CTXN1: variants seen among roughly 807,000 people sequenced by gnomAD.
CTXN1 encodes cortexin-1.
A neutral mutation model predicts 5.5 loss-of-function variants in CTXN1; 4 were observed. That is an observed-to-expected ratio of 0.73 (90% CI 0.36 to 1.68). CTXN1 has a LOEUF of 1.68. CTXN1 is among the 40% of genes most tolerant of loss of function. The probability of loss-of-function intolerance (pLI) is 0.05; values close to 1 mark genes in which losing one functional copy is unlikely to be tolerated. For synonymous variants in CTXN1, 67 were observed against 62.8 expected (o/e 1.07, Z -0.32); for missense variants, 111 against 123.0 (o/e 0.90, Z 0.46).
At position 7,925,483 on chromosome 19, in the gene CTXN1, G is replaced by T; in HGVS notation, c.56C>A (p.Pro19Gln). The change falls in exon 2 of 2, where the codon CCG (proline) becomes CAG (glutamine). Residue 19 changes from proline to glutamine, a missense_variant. Coordinates refer to ENST00000318978, the MANE Select transcript of CTXN1 (RefSeq NM_206833.4). This position sits in a 1 kb window ranked among gnomAD's most constrained non-coding sequence, Gnocchi z 5.0. ...CTCCGCGTCCAGGCCCGCGCCCACC[G>T]GGGGCCCCGTCGACGGCGGCAGGGG... is the stretch of plus-strand genomic sequence containing the variant. Reference protein sequence around the residue: ...PEPLPPSTGPPVGAGLDAEQR... With the variant: ...PEPLPPSTGPQVGAGLDAEQR... The T allele has an allele frequency of 6.5e-7, 1 of 1,532,856 alleles. No individual in the cohort carries two copies. The highest frequency in any genetic ancestry group is 1.4e-5 in the African/African-American group (1 of 70,294). 95.0% of individuals were successfully genotyped at this position (1,532,856 alleles called of 1,614,324 possible).
At position 7,925,553 on chromosome 19, in the gene CTXN1, C is replaced by A. The variant is rs1055683175; in HGVS notation, c.-15G>T. 6 of 1,378,894 alleles carry A rather than the reference C, an allele frequency of 4.4e-6. No individual in the cohort carries two copies. Among genetic ancestry groups the A allele is most frequent in the Admixed American group, 3.2e-5 (1 of 30,772 alleles). The allele number at this position is 1,378,894 out of a possible 1,614,324, so 85.4% of individuals were successfully genotyped here. A position where few individuals can be genotyped will look rare whatever the true frequency, so the allele number is the denominator to read the frequency against. ...GTCGCGCTCATGGCTCACATCGCCGCGCGCCCTGCGGAGGAGGGGACCCGC... is the reference window on the plus strand; with the variant it reads ...GTCGCGCTCATGGCTCACATCGCCGAGCGCCCTGCGGAGGAGGGGACCCGC... On this transcript the variant is annotated 5_prime_UTR_variant, in exon 2 of 2. Coordinates refer to ENST00000318978, the MANE Select transcript of CTXN1 (RefSeq NM_206833.4). The surrounding 1 kb of genome is among the most constrained non-coding windows in gnomAD (Gnocchi z 5.0).
Position 7,925,427 on chromosome 19 carries a change from G to C in CTXN1, c.112C>G (p.Leu38Val), listed in dbSNP as rs1439914241. The C allele has an allele frequency of 6.3e-7, 1 of 1,588,230 alleles. No homozygotes were observed. The highest frequency in any genetic ancestry group is 8.5e-7 in the Non-Finnish European group (1 of 1,172,524). ...QRTVFAFVLC[L>V]LVVLVLLMVR... Reference sequence around the variant, plus strand: ...ATCAACAGCACCAGCACCACGAGCAGGCAGAGCACGAAGGCGAACACCGTG... The same window carrying C: ...ATCAACAGCACCAGCACCACGAGCACGCAGAGCACGAAGGCGAACACCGTG... Residue 38 changes from leucine (L) to valine (V), a missense_variant, in exon 2 of 2, where the codon CTG (leucine) becomes GTG (valine). Transcript: ENST00000318978. The surrounding 1 kb of genome is among the most constrained non-coding windows in gnomAD (Gnocchi z 5.0).
rs1555704928 is a variant in CTXN1, at chr19:7,925,640, T to TTCC, written c.-20-83_-20-82insGGA. ...GCGCCTCCTCCGCTTCGCCCCCTCCTGCCGCCGCCGCCGCCGCCTCCCTTA... is the reference window on the plus strand; with the variant it reads ...GCGCCTCCTCCGCTTCGCCCCCTCCTTCCGCCGCCGCCGCCGCCGCCTCCCTTA... On this transcript the variant is annotated intron_variant, in intron 1 of 1. Coordinates refer to ENST00000318978, the MANE Select transcript of CTXN1 (RefSeq NM_206833.4). This position sits in a 1 kb window ranked among gnomAD's most constrained non-coding sequence, Gnocchi z 5.0. 1.9e-5 allele frequency: 22 copies of TTCC among 1,163,700 alleles called. No individual in the cohort carries two copies. Among genetic ancestry groups the TTCC allele is most frequent in the Non-Finnish European group, 2.2e-5 (20 of 918,058 alleles). 72.1% of individuals were successfully genotyped at this position (1,163,700 alleles called of 1,614,324 possible).
chr19:7,925,024 G>A lies in CTXN1; in HGVS notation c.*266C>T, dbSNP rs1168116881. 3.2e-5 allele frequency: 10 copies of A among 314,660 alleles called. No individual in the cohort carries two copies. The East Asian group carries it at 4.6e-4, about 14-fold the overall frequency. 19.5% of individuals were successfully genotyped at this position (314,660 alleles called of 1,614,324 possible). On this transcript the variant is annotated 3_prime_UTR_variant, in exon 2 of 2. Transcript: ENST00000318978. This position sits in a 1 kb window ranked among gnomAD's most constrained non-coding sequence, Gnocchi z 5.0. ...TCCCGCCCGGGATTCAGAGTCGGGGGTGGGGGCCAGCCGGGCGGGTGAGAT... is the reference window on the plus strand; with the variant it reads ...TCCCGCCCGGGATTCAGAGTCGGGGATGGGGGCCAGCCGGGCGGGTGAGAT...
At position 7,925,996 on chromosome 19, in the gene CTXN1, GC is replaced by G. The variant is rs1983775378; in HGVS notation, c.-51del. 1 of 149,924 alleles carries G rather than the reference GC, an allele frequency of 6.7e-6. No individual in the cohort carries two copies. The highest frequency in any genetic ancestry group is 2.4e-5 in the African/African-American group (1 of 41,074). The allele number at this position is 149,924 out of a possible 1,614,324, so 9.3% of individuals were successfully genotyped here. A position where few individuals can be genotyped will look rare whatever the true frequency, so the allele number is the denominator to read the frequency against. ...GCTTCGACCCGGACGGGGACCGACCGCCCGGCGGCCGCGCTCTCTCAGGGAC... is the reference window on the plus strand; with the variant it reads ...GCTTCGACCCGGACGGGGACCGACCGCCGGCGGCCGCGCTCTCTCAGGGAC... On this transcript the variant is annotated 5_prime_UTR_variant, in exon 1 of 2. Transcript: ENST00000318978. The surrounding 1 kb of genome is among the most constrained non-coding windows in gnomAD (Gnocchi z 5.0).
rs1041560370 is a variant in CTXN1, at chr19:7,924,954, C to G, written c.*336G>C. ...CCCCACTTCCAGGGACGCACAATAGCAGAGCCACTTACACGCTGGGGAGGG... is the reference window on the plus strand; with the variant it reads ...CCCCACTTCCAGGGACGCACAATAGGAGAGCCACTTACACGCTGGGGAGGG... On this transcript the variant is annotated 3_prime_UTR_variant, in exon 2 of 2. Transcript: ENST00000318978. 10 of 201,986 alleles carry G rather than the reference C, an allele frequency of 5.0e-5. No homozygotes were observed. Among genetic ancestry groups the G allele is most frequent in the African/African-American group, 2.3e-4 (10 of 43,262 alleles). The allele number at this position is 201,986 out of a possible 1,614,324, so 12.5% of individuals were successfully genotyped here.
rs150061390 is a variant in CTXN1, at chr19:7,925,270, G to A, written c.*20C>T. On this transcript the variant is annotated 3_prime_UTR_variant, in exon 2 of 2. Coordinates refer to ENST00000318978, the MANE Select transcript of CTXN1 (RefSeq NM_206833.4). This position sits in a 1 kb window ranked among gnomAD's most constrained non-coding sequence, Gnocchi z 5.0. ...CCTCTGAGACCCCGGCGCAGGGCCG[G>A]CTAGGGGGCGCCGCGCCCCTCACAC... 8 of 1,343,074 alleles carry A rather than the reference G, an allele frequency of 6.0e-6. No homozygotes were observed. In the East Asian group the frequency reaches 2.5e-4, roughly 41 times the overall value. The allele number at this position is 1,343,074 out of a possible 1,614,324, so 83.2% of individuals were successfully genotyped here. A position where few individuals can be genotyped will look rare whatever the true frequency, so the allele number is the denominator to read the frequency against.
rs766863527 is a variant in CTXN1, at chr19:7,925,462, G to A, written c.77C>T (p.Ala26Val). 1.2e-5 allele frequency: 19 copies of A among 1,571,950 alleles called. No individual in the cohort carries two copies. The highest frequency in any genetic ancestry group is 1.6e-5 in the Non-Finnish European group (19 of 1,166,524). Reference protein sequence around the residue: ...TGPPVGAGLDAEQRTVFAFVL... With the variant: ...TGPPVGAGLDVEQRTVFAFVL... ...GAAGGCGAACACCGTGCGCTGCTCC[G>A]CGTCCAGGCCCGCGCCCACCGGGGG... The change falls in exon 2 of 2, where the codon GCG becomes GTG. Residue 26 changes from alanine to valine, a missense_variant. Transcript: ENST00000318978. This position sits in a 1 kb window ranked among gnomAD's most constrained non-coding sequence, Gnocchi z 5.0.
chr19:7,925,355 C>A lies in CTXN1; in HGVS notation c.184G>T (p.Ala62Ser). 1.7e-5 allele frequency: 27 copies of A among 1,576,220 alleles called. No individual in the cohort carries two copies. Among genetic ancestry groups the A allele is most frequent in the Non-Finnish European group, 2.3e-5 (27 of 1,166,918 alleles). Residue 62 changes from alanine to serine, a missense_variant, in exon 2 of 2, where the codon GCC becomes TCC. Coordinates refer to ENST00000318978, the MANE Select transcript of CTXN1 (RefSeq NM_206833.4). The surrounding 1 kb of genome is among the most constrained non-coding windows in gnomAD (Gnocchi z 5.0). The part of the protein sequence containing the change: ...ILLDPYSRMP[A>S]SSWTDHKEAL... ...TCCTTGTGGTCGGTCCAGGACGAGG[C>A]GGGCATGCGGCTGTAGGGGTCGAGC...
rs1366130737 is a variant in CTXN1, at chr19:7,924,898, AC to A, written c.*391del. 6.2e-6 allele frequency: 1 copy of A among 160,324 alleles called. No homozygotes were observed. The highest frequency in any genetic ancestry group is 2.4e-5 in the African/African-American group (1 of 41,742). 9.9% of individuals were successfully genotyped at this position (160,324 alleles called of 1,614,324 possible). A position where few individuals can be genotyped will look rare whatever the true frequency, so the allele number is the denominator to read the frequency against. On this transcript the variant is annotated 3_prime_UTR_variant, in exon 2 of 2. Coordinates refer to ENST00000318978, the MANE Select transcript of CTXN1 (RefSeq NM_206833.4). ...TCAAGGTGGGGTTGACGACGGCCAG[AC>A]AACAGGGGAGGGAGGAGGGACAAGG...
Position 7,925,185 on chromosome 19 carries a change from G to A in CTXN1, c.*105C>T, listed in dbSNP as rs945801702. Reference sequence around the variant, plus strand: ...CCCTCCCCCTCTCCCCCGGGCTGGGGGCTCCGGGGCGGGATCCTGAGCGCA... The same window carrying A: ...CCCTCCCCCTCTCCCCCGGGCTGGGAGCTCCGGGGCGGGATCCTGAGCGCA... On this transcript the variant is annotated 3_prime_UTR_variant, in exon 2 of 2. Coordinates refer to ENST00000318978, the MANE Select transcript of CTXN1 (RefSeq NM_206833.4). The surrounding 1 kb of genome is among the most constrained non-coding windows in gnomAD (Gnocchi z 5.0). 1 of 900,822 alleles carries A rather than the reference G, an allele frequency of 1.1e-6. No individual in the cohort carries two copies. Among genetic ancestry groups the A allele is most frequent in the African/African-American group, 1.8e-5 (1 of 57,128 alleles). The allele number at this position is 900,822 out of a possible 1,614,324, so 55.8% of individuals were successfully genotyped here. A position where few individuals can be genotyped will look rare whatever the true frequency, so the allele number is the denominator to read the frequency against.
Position 7,925,440 on chromosome 19 carries a change from G to T in CTXN1, c.99C>A (p.Ala33=). The T allele has an allele frequency of 6.3e-7, 1 of 1,583,496 alleles. No individual in the cohort carries two copies. The highest frequency in any genetic ancestry group is 8.5e-7 in the Non-Finnish European group (1 of 1,170,824). The change falls in exon 2 of 2, where the codon GCC becomes GCA. Residue 33 remains alanine, a synonymous_variant. Transcript: ENST00000318978. The surrounding 1 kb of genome is among the most constrained non-coding windows in gnomAD (Gnocchi z 5.0). The stretch of plus-strand genomic sequence containing the variant: ...GCACCACGAGCAGGCAGAGCACGAA[G>T]GCGAACACCGTGCGCTGCTCCGCGT... ...GLDAEQRTVF[A]FVLCLLVVLV... is the part of the protein sequence containing the mutation.
rs1327624624 is a variant in CTXN1, at chr19:7,925,657, C to G, written c.-20-99G>C. The stretch of plus-strand genomic sequence containing the variant: ...CCCCCTCCTGCCGCCGCCGCCGCCG[C>G]CTCCCTTAACGTGCCCGACCCCATC... On this transcript the variant is annotated intron_variant, in intron 1 of 1. Coordinates refer to ENST00000318978, the MANE Select transcript of CTXN1 (RefSeq NM_206833.4). The surrounding 1 kb of genome is among the most constrained non-coding windows in gnomAD (Gnocchi z 5.0). 4.7e-6 allele frequency: 5 copies of G among 1,060,294 alleles called. No individual in the cohort carries two copies. The highest frequency in any genetic ancestry group is 6.1e-6 in the Non-Finnish European group (5 of 824,796). 65.7% of individuals were successfully genotyped at this position (1,060,294 alleles called of 1,614,324 possible).
Position 7,925,500 on chromosome 19 carries a change from C to T in CTXN1, c.39G>A (p.Pro13=), listed in dbSNP as rs1427055882. ...CGCCCACCGGGGGCCCCGTCGACGG[C>T]GGCAGGGGCTCCGGCGACAGCGTCC... The part of the protein sequence containing the change: ...ATWTLSPEPL[P]PSTGPPVGAG... The change falls in exon 2 of 2, where the codon CCG becomes CCA. Residue 13 remains proline, a synonymous_variant. Transcript: ENST00000318978. The surrounding 1 kb of genome is among the most constrained non-coding windows in gnomAD (Gnocchi z 5.0). 2.6e-6 allele frequency: 4 copies of T among 1,512,746 alleles called. No individual in the cohort carries two copies. In the East Asian group the frequency reaches 8.1e-5, roughly 31 times the overall value. 93.7% of individuals were successfully genotyped at this position (1,512,746 alleles called of 1,614,324 possible). A position where few individuals can be genotyped will look rare whatever the true frequency, so the allele number is the denominator to read the frequency against.
In CTXN1 at chr19:7,925,077, A is replaced by C; in HGVS notation, c.*213T>G. ...GCAGAGAGGAAGGGACAGGGCGGAT[A>C]AAGGCACGAGGTGGGGCTCCGGCCA... is the stretch of plus-strand genomic sequence containing the variant. On this transcript the variant is annotated 3_prime_UTR_variant, in exon 2 of 2. Transcript: ENST00000318978. The surrounding 1 kb of genome is among the most constrained non-coding windows in gnomAD (Gnocchi z 5.0). The C allele has an allele frequency of 2.7e-6, 1 of 374,880 alleles. No homozygotes were observed. The allele number at this position is 374,880 out of a possible 1,614,324, so 23.2% of individuals were successfully genotyped here.
At position 7,925,214 on chromosome 19, in the gene CTXN1, C is replaced by T. The variant is rs777678605; in HGVS notation, c.*76G>A. On this transcript the variant is annotated 3_prime_UTR_variant, in exon 2 of 2. Coordinates refer to ENST00000318978, the MANE Select transcript of CTXN1 (RefSeq NM_206833.4). The surrounding 1 kb of genome is among the most constrained non-coding windows in gnomAD (Gnocchi z 5.0). ...CCGGGGCGGGATCCTGAGCGCAGTC[C>T]TGGCCCCGCGGCGCCCCCCGCCGGG... is the stretch of plus-strand genomic sequence containing the variant. The T allele has an allele frequency of 6.9e-4, 802 of 1,169,338 alleles. 1 individual carries two copies. Among genetic ancestry groups the T allele is most frequent in the Non-Finnish European group, 8.3e-4 (771 of 924,658 alleles). 72.4% of individuals were successfully genotyped at this position (1,169,338 alleles called of 1,614,324 possible).
rs933105324 is a variant in CTXN1 at position 7,925,177 on chromosome 19, G to A, written c.*113C>T. 2 of 826,222 alleles carry A rather than the reference G, an allele frequency of 2.4e-6. No homozygotes were observed. The highest frequency in any genetic ancestry group is 1.8e-5 in the African/African-American group (1 of 55,576). 51.2% of individuals were successfully genotyped at this position (826,222 alleles called of 1,614,324 possible). A position where few individuals can be genotyped will look rare whatever the true frequency, so the allele number is the denominator to read the frequency against. ...TCCCAACTCCCTCCCCCTCTCCCCC[G>A]GGCTGGGGGCTCCGGGGCGGGATCC... is the stretch of plus-strand genomic sequence containing the variant. On this transcript the variant is annotated 3_prime_UTR_variant, in exon 2 of 2. Coordinates refer to ENST00000318978, the MANE Select transcript of CTXN1 (RefSeq NM_206833.4). This position sits in a 1 kb window ranked among gnomAD's most constrained non-coding sequence, Gnocchi z 5.0.
chr19:7,925,340 C>T lies in CTXN1; in HGVS notation c.199G>A (p.Asp67Asn). 1 of 1,536,516 alleles carries T rather than the reference C, an allele frequency of 6.5e-7. No individual in the cohort carries two copies. Reference sequence around the variant, plus strand: ...CCGCGCTCGAGCGCCTCCTTGTGGTCGGTCCAGGACGAGGCGGGCATGCGG... The same window carrying T: ...CCGCGCTCGAGCGCCTCCTTGTGGTTGGTCCAGGACGAGGCGGGCATGCGG... ...YSRMPASSWTDHKEALERGQF... is the reference protein window; with the variant it reads ...YSRMPASSWTNHKEALERGQF... The change falls in exon 2 of 2, where the codon GAC becomes AAC. Residue 67 changes from aspartate to asparagine, a missense_variant. Transcript: ENST00000318978. The surrounding 1 kb of genome is among the most constrained non-coding windows in gnomAD (Gnocchi z 5.0).
At position 7,925,409 on chromosome 19, in the gene CTXN1, G is replaced by A. The variant is rs780590547; in HGVS notation, c.130C>T (p.Leu44=). ...ATGCGCACGCAGCGCACCATCAACA[G>A]CACCAGCACCACGAGCAGGCAGAGC... The part of the protein sequence containing the change: ...FVLCLLVVLV[L]LMVRCVRILL... Residue 44 remains leucine, a synonymous_variant, in exon 2 of 2, where the codon CTG becomes TTG. Coordinates refer to ENST00000318978, the MANE Select transcript of CTXN1 (RefSeq NM_206833.4). The surrounding 1 kb of genome is among the most constrained non-coding windows in gnomAD (Gnocchi z 5.0). The A allele has an allele frequency of 1.9e-6, 3 of 1,587,912 alleles. No individual in the cohort carries two copies. Among genetic ancestry groups the A allele is most frequent in the Non-Finnish European group, 1.7e-6 (2 of 1,172,130 alleles).
Sources: gnomAD v4.1 joint callset for allele counts on GRCh38, gnomAD v4.1.1 for gene constraint, Gnocchi (gnomAD v3.1) non-coding constraint, MANE v1.5 for transcripts, NCBI Gene and HGNC (gene_info 2026-07-23, HGNC 2026-07-21) for gene names.